Variants in LNX1 observed in about 807,000 individuals in gnomAD.
LNX1 encodes E3 ubiquitin-protein ligase LNX.
In LNX1, 54 loss-of-function variants were observed where a neutral mutation model predicts 68.4. The observed-to-expected ratio is 0.79, with a 90% CI of 0.63 to 0.99. LNX1 has a LOEUF of 0.99. LNX1 is among the 50% of genes least tolerant of loss of function. The pLI is 0.00. For missense variants in LNX1, 906 were observed against 926.4 expected (o/e 0.98, Z 0.29); for synonymous variants, 336 against 350.0 (o/e 0.96, Z 0.45).
intron 2 of LNX1, among the ~76,000 whole-genome samples, chr4:53,525,284 C>A (rs568365666): frequency 8.5e-5 from 13 of 152,184 alleles, no homozygotes; most frequent in African/African-American, 2.7e-4. Context: ...GAGTTTGAGA[C>A]CAGCCTGGCC....
At chr4:53,563,554 A>ATTTTTTT (rs1730428493) in intron 2 of LNX1, among the ~76,000 whole-genome samples, 1 of 107,032 alleles carries the variant, frequency 9.3e-6, no homozygotes, top group African/African-American at 5.2e-5. Context: ...TTTTTTTTTG[A>ATTTTTTT]GACAGAGTCT....
At chr4:53,516,521 TAGAAG>T (rs1462567293) in intron 2 of LNX1, among the ~76,000 whole-genome samples, 1 of 152,026 alleles carries the variant, frequency 6.6e-6, no homozygotes, top group Non-Finnish European at 1.5e-5. Flanking sequence ...GAAGGCTTCT[TAGAAG>T]AGATGAAATC....
intron 2 of LNX1, among the ~76,000 whole-genome samples, chr4:53,602,459 T>C (rs537160848): frequency 3.3e-5 from 5 of 152,208 alleles, no homozygotes. Context: ...TGTCTTAGGG[T>C]CCTGCAGCAC....
chr4:53,545,184 T>C (rs1388114577), intron 2 of LNX1, among the ~76,000 whole-genome samples: 10 of 152,242 alleles, frequency 6.6e-5, no homozygotes, highest in Non-Finnish European at 1.2e-4. Context: ...AGAACTCCTG[T>C]AGTCTGCTCT....
At chr4:53,466,193 T>C (rs1560609928) in intron 9 of LNX1, among the ~76,000 whole-genome samples, 1 of 152,218 alleles carries the variant, frequency 6.6e-6, no homozygotes, top group Middle Eastern at 3.2e-3. Context: ...ATCACTAATA[T>C]TGTACTGTTT....
intron 1 of LNX1, among the ~76,000 whole-genome samples, chr4:53,644,350 C>T (rs1398268489): frequency 2.6e-5 from 4 of 151,922 alleles, no homozygotes; most frequent in Admixed American, 6.6e-5. Flanking sequence ...TGCAGTGAGC[C>T]GAGATCACGC....
chr4:53,475,533 GA>G (rs1723507719), intron 9 of LNX1, among the ~76,000 whole-genome samples: 3 of 152,164 alleles, frequency 2.0e-5, no homozygotes, highest in African/African-American at 7.2e-5. Flanking sequence ...AAGAGAGAGA[GA>G]CTTATCTCCA....
At chr4:53,480,361 G>A (rs1422035430) in intron 7 of LNX1, among the ~76,000 whole-genome samples, 1 of 152,102 alleles carries the variant, frequency 6.6e-6, no homozygotes, top group African/African-American at 2.4e-5. Context: ...ATGATGAGGA[G>A]GTGGAAGGAA....
At chr4:53,633,445 T>A (rs1457893674) in intron 1 of LNX1, among the ~76,000 whole-genome samples, 1 of 152,238 alleles carries the variant, frequency 6.6e-6, no homozygotes, top group Non-Finnish European at 1.5e-5. Flanking sequence ...TGTTTTTCAC[T>A]TCTTCTGGCC....
At chr4:53,574,179 G>A in intron 1 of LNX1, 91 bp from the exon 2 acceptor site, 2 of 987,382 alleles carry the variant, frequency 2.0e-6, no homozygotes, top group African/African-American at 1.6e-5. Context: ...CCAATGCATG[G>A]GGAATTGAGC....
intron 1 of LNX1, among the ~76,000 whole-genome samples, chr4:53,634,252 CTT>C (rs35451950): frequency 4.2e-5 from 6 of 142,924 alleles, no homozygotes; most frequent in Non-Finnish European, 3.1e-5. Context: ...TCCAGCTTGG[CTT>C]TTTTTTTTTT....
intron 1 of LNX1, among the ~76,000 whole-genome samples, chr4:53,626,983 A>G (rs932444541): frequency 1.1e-4 from 16 of 152,214 alleles, no homozygotes; most frequent in Admixed American, 6.5e-4. Flanking sequence ...AATGTATTAT[A>G]AAGATTGGCC....
At chr4:53,565,739 G>A (rs1279233230) in intron 2 of LNX1, among the ~76,000 whole-genome samples, 7 of 149,088 alleles carry the variant, frequency 4.7e-5, no homozygotes. Context: ...CAAAGAAGTT[G>A]AAAACTTTGA....
intron 2 of LNX1, among the ~76,000 whole-genome samples, chr4:53,612,391 C>T (rs1733529323): frequency 6.6e-6 from 1 of 152,138 alleles, no homozygotes; most frequent in African/African-American, 2.4e-5. Context: ...AGAAGCAAAG[C>T]CACCAGAATA....
At chr4:53,650,664 C>T (rs748979792) in intron 1 of LNX1, among the ~76,000 whole-genome samples, 5 of 152,060 alleles carry the variant, frequency 3.3e-5, no homozygotes, top group East Asian at 1.9e-4. Flanking sequence ...TCTATACTAC[C>T]GCCCTACATA....
intron 1 of LNX1, among the ~76,000 whole-genome samples, chr4:53,590,689 C>T (rs1306025489): frequency 2.0e-5 from 3 of 152,196 alleles, no homozygotes; most frequent in Non-Finnish European, 4.4e-5. Flanking sequence ...AAGTCACATT[C>T]TTGCAGCAAT....
chr4:53,535,117 C>CT (rs1728277643), intron 2 of LNX1, among the ~76,000 whole-genome samples: 2 of 152,078 alleles, frequency 1.3e-5, no homozygotes, highest in African/African-American at 4.8e-5. Flanking sequence ...AATGTTTTCT[C>CT]TCTGCATCAT....
chr4:53,520,726 C>T lies in LNX1; in HGVS notation c.381-12499G>A, dbSNP rs548668368. ...CCTGTAATCCCAACACTTTGGGAGG[C>T]TAAGGTGGGTGGATCACTTGAAGTC... is the stretch of plus-strand genomic sequence containing the variant. On this transcript the variant is annotated intron_variant, in intron 2 of 10. Coordinates refer to ENST00000263925, the MANE Select transcript of LNX1 (RefSeq NM_001126328.3). Among the ~76,000 whole-genome samples, 28 of 152,278 alleles carry T rather than the reference C, an allele frequency of 1.8e-4. No individual in the cohort carries two copies. In the South Asian group the frequency reaches 3.1e-3, roughly 17 times the overall value.
chr4:53,532,698 C>T (rs1290128823), intron 2 of LNX1, among the ~76,000 whole-genome samples: 1 of 152,192 alleles, frequency 6.6e-6, no homozygotes, highest in Non-Finnish European at 1.5e-5. Context: ...ACAGACTAAA[C>T]AGAATTCCTG....
Sources: gnomAD v4.1 joint callset for allele counts (sites outside exome capture counted in the v4.1 genomes callset) on GRCh38, gnomAD v4.1.1 for gene constraint, MANE v1.5 for transcripts, NCBI Gene and HGNC (gene_info 2026-07-23, HGNC 2026-07-21) for gene names.